Variants in DMD observed in about 807,000 individuals in gnomAD.
DMD encodes the protein mutant dystrophin.
DMD carries 63 observed loss-of-function variants against 330.1 expected under a neutral mutation model. That is an observed-to-expected ratio of 0.19 (90% CI 0.16 to 0.24). The LOEUF is 0.24. DMD is among the 10% of genes least tolerant of loss of function. The pLI, the probability that DMD is intolerant of heterozygous loss-of-function variation, is 1.00. For missense variants in DMD, 3,344 were observed against 2,684.1 expected, an observed-to-expected ratio of 1.25 and a Z score of -5.43; for synonymous variants, 1,223 against 959.8, an observed-to-expected ratio of 1.27 and a Z score of -5.07.
At chrX:32,017,979 A>G (rs1224468608) in intron 44 of DMD, among the ~76,000 whole-genome samples, 1 of 111,099 alleles carries the variant, frequency 9.0e-6, no homozygotes, top group Non-Finnish European at 1.9e-5. Flanking sequence ...CACTCCATGC[A>G]TCCATTTGAC....
At chrX:31,864,212 T>G (rs142722880) in intron 48 of DMD, among the ~76,000 whole-genome samples, 1,430 of 111,245 alleles carry the variant, frequency 0.013, 22 homozygotes, top group African/African-American at 0.045. Flanking sequence ...CCCTCTTCCT[T>G]GGCTTGGCAA....
chrX:32,706,820 G>A (rs2064709425), intron 7 of DMD, among the ~76,000 whole-genome samples: 1 of 111,786 alleles, frequency 8.9e-6, no homozygotes, highest in Non-Finnish European at 1.9e-5. Flanking sequence ...GCTGGGCATG[G>A]TGGCTCATGC....
chrX:32,307,643 G>A (rs1432937409), intron 42 of DMD, among the ~76,000 whole-genome samples: 16 of 111,283 alleles, frequency 1.4e-4, no homozygotes, highest in Admixed American at 1.4e-3. Context: ...CTTTTAAGTG[G>A]ATCATTTCTG....
At chrX:32,641,213 A>G (rs1602425720) in intron 11 of DMD, among the ~76,000 whole-genome samples, 1 of 110,450 alleles carries the variant, frequency 9.1e-6, no homozygotes, top group African/African-American at 3.3e-5. Context: ...TAATCTCTTC[A>G]AAAACTATAT....
intron 56 of DMD, among the ~76,000 whole-genome samples, chrX:31,503,334 T>C (rs907307504): frequency 8.9e-6 from 1 of 112,068 alleles, no homozygotes; most frequent in Non-Finnish European, 1.9e-5. Context: ...ATATTTCTGG[T>C]CAAACTCTTC....
rs2081585631 is a variant in DMD at position 32,856,616 on chromosome X, T to C, written c.94-6796A>G. Among the ~76,000 whole-genome samples the C allele has an allele frequency of 2.7e-5, 3 of 111,687 alleles. No homozygotes were observed. In the South Asian group the frequency reaches 1.1e-3, roughly 42 times the overall value. Reference sequence around the variant, plus strand: ...ATGCAGTAACTAAAAATTAAAGCAATTGAACTCATGGAGACAGAGAGTAGA... The same window carrying C: ...ATGCAGTAACTAAAAATTAAAGCAACTGAACTCATGGAGACAGAGAGTAGA... On this transcript the variant is annotated intron_variant, in intron 2 of 78. Transcript: ENST00000357033.
At chrX:32,851,963 CA>C (rs2081173299) in intron 2 of DMD, among the ~76,000 whole-genome samples, 1 of 111,091 alleles carries the variant, frequency 9.0e-6, no homozygotes, top group African/African-American at 3.3e-5. Context: ...AAATAAACTT[CA>C]AAGGGAGTCT....
intron 18 of DMD, among the ~76,000 whole-genome samples, chrX:32,508,278 T>A (rs757472196): frequency 9.0e-6 from 1 of 111,702 alleles, no homozygotes; most frequent in East Asian, 2.8e-4. Context: ...ATCTGGGTTC[T>A]GTTAGGGCAC....
At chrX:31,494,289 C>T (rs1236118652) in intron 57 of DMD, among the ~76,000 whole-genome samples, 1 of 110,637 alleles carries the variant, frequency 9.0e-6, no homozygotes, top group African/African-American at 3.3e-5. Context: ...GTTAGAGTCT[C>T]GGAATATTTA....
intron 55 of DMD, among the ~76,000 whole-genome samples, chrX:31,589,594 C>T (rs2076775994): frequency 9.0e-6 from 1 of 111,428 alleles, no homozygotes; most frequent in Non-Finnish European, 1.9e-5. Flanking sequence ...AAAAATACTG[C>T]CATGTTTGAC....
chrX:32,142,493 G>A (rs926772793), intron 44 of DMD, among the ~76,000 whole-genome samples: 1 of 112,203 alleles, frequency 8.9e-6, no homozygotes, highest in African/African-American at 3.2e-5. Flanking sequence ...GCAAAGTAAC[G>A]GTTAAGAATA....
At chrX:32,082,063 C>T (rs1001067611) in intron 44 of DMD, among the ~76,000 whole-genome samples, 2 of 110,279 alleles carry the variant, frequency 1.8e-5, no homozygotes, top group African/African-American at 3.3e-5. Context: ...TTTACGTACA[C>T]GATCTCTTTT....
chrX:33,128,073 G>A, intron 1 of DMD: 6 of 1,179,869 alleles, frequency 5.1e-6, no homozygotes, highest in Non-Finnish European at 6.8e-6. Flanking sequence ...CTTTAGGGAA[G>A]CCTGCTTCTG....
chrX:31,832,474 T>C (rs1462068958), intron 49 of DMD, among the ~76,000 whole-genome samples: 1 of 111,721 alleles, frequency 9.0e-6, no homozygotes, highest in East Asian at 2.8e-4. Flanking sequence ...TAATTGAAAA[T>C]GACTAATGAT....
intron 7 of DMD, among the ~76,000 whole-genome samples, chrX:32,729,883 A>C (rs933096699): frequency 8.9e-6 from 1 of 112,129 alleles, no homozygotes; most frequent in African/African-American, 3.2e-5. Context: ...CAATTTTCTA[A>C]ATGTACTAGC....
chrX:32,014,231 A>G (rs1362021956), intron 44 of DMD, among the ~76,000 whole-genome samples: 1 of 112,076 alleles, frequency 8.9e-6, no homozygotes, highest in Non-Finnish European at 1.9e-5. Context: ...GTGCACTTTT[A>G]GTGTATGATG....
At chrX:31,491,611 G>C (rs904362294) in intron 57 of DMD, among the ~76,000 whole-genome samples, 6 of 111,917 alleles carry the variant, frequency 5.4e-5, no homozygotes, top group African/African-American at 1.9e-4. Context: ...AGTCTTGAGA[G>C]CCATTCAGTT....
chrX:32,813,342 G>C (rs768802510), intron 6 of DMD, among the ~76,000 whole-genome samples: 1 of 111,655 alleles, frequency 9.0e-6, no homozygotes, highest in East Asian at 2.8e-4. Context: ...TTATTGACTT[G>C]CAACCAAGGA....
intron 1 of DMD, among the ~76,000 whole-genome samples, chrX:33,164,247 C>G (rs2048944428): frequency 8.9e-6 from 1 of 111,743 alleles, no homozygotes; most frequent in Non-Finnish European, 1.9e-5. Context: ...CCAAATTCAT[C>G]TGTGTAACAC....
Sources: gnomAD v4.1 joint callset for allele counts (sites outside exome capture counted in the v4.1 genomes callset) on GRCh38, gnomAD v4.1.1 for gene constraint, MANE v1.5 for transcripts, NCBI Gene and HGNC (gene_info 2026-07-23, HGNC 2026-07-21) for gene names.